Variants in MACO1 observed in about 807,000 individuals in gnomAD.
The protein encoded by MACO1 is macoilin.
MACO1 carries 14 observed loss-of-function variants against 78.7 expected under a neutral mutation model. The ratio of observed to expected loss-of-function variants is 0.18; its 90% CI spans 0.12 to 0.28. The LOEUF (loss-of-function observed/expected upper bound fraction) is 0.28. Among genes scored for constraint, MACO1 ranks in the 10% least tolerant of loss-of-function variants. The pLI is 1.00. For synonymous variants in MACO1, 288 were observed against 291.6 expected (o/e 0.99, Z 0.12); for missense variants, 501 against 799.0 (o/e 0.63, Z 4.50).
chr1:25,484,043 C>A (rs2043404516), intron 6 of MACO1, 73 bp from the exon 7 acceptor site: 1 of 1,488,462 alleles, frequency 6.7e-7, no homozygotes, highest in Non-Finnish European at 9.0e-7. Flanking sequence ...CAGTCCAGGA[C>A]CCCCACCAGG....
intron 3 of MACO1, among the ~76,000 whole-genome samples, chr1:25,453,921 T>C (rs1400736770): frequency 6.6e-6 from 1 of 152,168 alleles, no homozygotes; most frequent in Non-Finnish European, 1.5e-5. Context: ...TTTTCTATGT[T>C]TTTTAGCCAT....
intron 1 of MACO1, among the ~76,000 whole-genome samples, chr1:25,438,545 A>G (rs1384440666): frequency 6.6e-6 from 1 of 152,254 alleles, no homozygotes; most frequent in Admixed American, 6.5e-5. Flanking sequence ...ACTGCAGAGA[A>G]CAGTGTAAAT....
At position 25,443,155 on chromosome 1, in the gene MACO1, G is replaced by A. The variant is rs546428288; in HGVS notation, c.81-3607G>A. Reference sequence around the variant, plus strand: ...TTATGACCTTCAGAATATGAAAGGAGAGGAATTAGGGCTTTTACTGTGATG... The same window carrying A: ...TTATGACCTTCAGAATATGAAAGGAAAGGAATTAGGGCTTTTACTGTGATG... On this transcript the variant is annotated intron_variant, in intron 1 of 10. Coordinates refer to ENST00000374343, the MANE Select transcript of MACO1 (RefSeq NM_018202.6). Among the ~76,000 whole-genome samples the A allele has an allele frequency of 2.6e-5, 4 of 152,310 alleles. No homozygotes were observed. The East Asian group carries it at 7.7e-4, about 29-fold the overall frequency.
At chr1:25,479,122 ATTAC>A (rs1490488560) in intron 6 of MACO1, among the ~76,000 whole-genome samples, 2 of 152,138 alleles carry the variant, frequency 1.3e-5, no homozygotes, top group African/African-American at 4.8e-5. Context: ...CTTATAATCT[ATTAC>A]TTCTGCCTCG....
chr1:25,480,790 G>A (rs1046041284), intron 6 of MACO1, among the ~76,000 whole-genome samples: 3 of 151,330 alleles, frequency 2.0e-5, no homozygotes, highest in East Asian at 3.9e-4. Context: ...AATTAGCTGG[G>A]CGTGGTGGTG....
At chr1:25,496,339 G>T (rs1176567079) in intron 10 of MACO1, among the ~76,000 whole-genome samples, 1 of 151,908 alleles carries the variant, frequency 6.6e-6, no homozygotes, top group Non-Finnish European at 1.5e-5. Flanking sequence ...GTAGAGACAG[G>T]GTTTTGTCAT....
intron 6 of MACO1, among the ~76,000 whole-genome samples, chr1:25,480,953 T>A (rs184294637): frequency 0.37 from 39,742 of 106,446 alleles, 10,142 homozygotes; most frequent in East Asian, 0.58. Context: ...TATATATATA[T>A]ATATATATAT....
In MACO1 at chr1:25,498,628, A is replaced by C; in HGVS notation, c.*162A>C. On this transcript the variant is annotated 3_prime_UTR_variant, in exon 11 of 11. Transcript: ENST00000374343. Reference sequence around the variant, plus strand: ...GAAAAGATAACATCCAAGTCTGATTAGAACTGCCCATCAGTTTTTCTTGTA... The same window carrying C: ...GAAAAGATAACATCCAAGTCTGATTCGAACTGCCCATCAGTTTTTCTTGTA... The C allele has an allele frequency of 1.6e-6, 1 of 612,128 alleles. No individual in the cohort carries two copies. The highest frequency in any genetic ancestry group is 2.7e-6 in the Non-Finnish European group (1 of 373,376). 37.9% of individuals were successfully genotyped at this position (612,128 alleles called of 1,614,324 possible). A position where few individuals can be genotyped will look rare whatever the true frequency, so the allele number is the denominator to read the frequency against.
rs1001068795 is a variant in MACO1 at position 25,498,998 on chromosome 1, A to G, written c.*532A>G. On this transcript the variant is annotated 3_prime_UTR_variant, in exon 11 of 11. Transcript: ENST00000374343. ...GAAAACAAAAATGGATTGCCCCTCC[A>G]AGGACCAAACAGATTCAAGGAGCAT... 1 of 152,656 alleles carries G rather than the reference A, an allele frequency of 6.6e-6. No individual in the cohort carries two copies. Among genetic ancestry groups the G allele is most frequent in the Non-Finnish European group, 1.5e-5 (1 of 68,386 alleles). The allele number at this position is 152,656 out of a possible 1,614,324, so 9.5% of individuals were successfully genotyped here.
chr1:25,452,699 T>G (rs1378998780), intron 3 of MACO1, among the ~76,000 whole-genome samples: 1 of 113,962 alleles, frequency 8.8e-6, no homozygotes, highest in African/African-American at 7.5e-5. Flanking sequence ...CGGTGAATTG[T>G]TTTTTTTTTT....
intron 1 of MACO1, among the ~76,000 whole-genome samples, chr1:25,441,195 AT>A (rs1234261425): frequency 8.8e-4 from 127 of 144,884 alleles, no homozygotes; most frequent in Admixed American, 1.0e-3. Context: ...TTCATTCAAC[AT>A]TTTTTTTTTT....
At chr1:25,469,241 TAATC>T (rs1231334514) in intron 6 of MACO1, among the ~76,000 whole-genome samples, 1 of 152,190 alleles carries the variant, frequency 6.6e-6, no homozygotes, top group Non-Finnish European at 1.5e-5. Context: ...GATAACAACA[TAATC>T]TATAAATAAG....
intron 6 of MACO1, among the ~76,000 whole-genome samples, chr1:25,473,256 C>T (rs796337517): frequency 1.3e-5 from 2 of 151,962 alleles, no homozygotes; most frequent in African/African-American, 2.4e-5. Context: ...TTAAAACTAT[C>T]GTATTCTGGG....
intron 10 of MACO1, among the ~76,000 whole-genome samples, chr1:25,494,028 G>T (rs535115940): frequency 6.6e-6 from 1 of 152,292 alleles, no homozygotes; most frequent in South Asian, 2.1e-4. Context: ...ACCGTGCCCG[G>T]CCAGATAGTT....
chr1:25,462,214 G>C (rs919780501), intron 6 of MACO1, among the ~76,000 whole-genome samples: 1 of 152,162 alleles, frequency 6.6e-6, no homozygotes, highest in Admixed American at 6.5e-5. Flanking sequence ...GCTTCTGCAG[G>C]CATACTTGGG....
chr1:25,454,584 C>T (rs1019630430), intron 4 of MACO1, among the ~76,000 whole-genome samples: 4 of 150,482 alleles, frequency 2.7e-5, no homozygotes, highest in African/African-American at 4.9e-5. Context: ...CGGCTTCAAG[C>T]GATTTTCCTG....
intron 6 of MACO1, among the ~76,000 whole-genome samples, chr1:25,468,425 A>G (rs1276561501): frequency 6.6e-6 from 1 of 152,188 alleles, no homozygotes; most frequent in South Asian, 2.1e-4. Context: ...CAGAGAGGCC[A>G]CCATTAACCT....
At chr1:25,446,680 T>C in intron 1 of MACO1, 82 bp from the exon 2 acceptor site, 1 of 1,399,120 alleles carries the variant, frequency 7.1e-7, no homozygotes, top group Non-Finnish European at 9.5e-7. Flanking sequence ...TTTTTTGTCG[T>C]TTTAAACAGA....
chr1:25,465,209 C>A (rs962707556), intron 6 of MACO1, among the ~76,000 whole-genome samples: 1 of 152,194 alleles, frequency 6.6e-6, no homozygotes, highest in East Asian at 1.9e-4. Flanking sequence ...CATTCACCTG[C>A]TGTAGGACAT....
Sources: allele counts gnomAD v4.1 joint callset (sites outside exome capture counted in the v4.1 genomes callset), GRCh38; gene constraint gnomAD v4.1.1; transcripts MANE v1.5; gene names NCBI Gene and HGNC (gene_info 2026-07-23, HGNC 2026-07-21).